MARCHF1: variants seen among roughly 807,000 people sequenced by gnomAD.
The protein encoded by MARCHF1 is E3 ubiquitin-protein ligase MARCHF1.
Under a neutral mutation model 54.2 loss-of-function variants are expected in MARCHF1, and 40 were observed. The observed-to-expected ratio is 0.74, with a 90% confidence interval of 0.57 to 0.96. The LOEUF (loss-of-function observed/expected upper bound fraction) is 0.96, where lower values mean the gene tolerates loss of function less well. MARCHF1 is among the 40% of genes least tolerant of loss of function. The pLI is 0.00. For missense variants in MARCHF1, 586 were observed against 656.5 expected (o/e 0.89, Z 1.17); for synonymous variants, 236 against 236.3 (o/e 1.00, Z 0.01).
chr4:164,157,122 A>G (rs1730098793), intron 1 of MARCHF1, among the ~76,000 whole-genome samples: 1 of 152,024 alleles, frequency 6.6e-6, no homozygotes, highest in Admixed American at 6.6e-5. Context: ...TTATTTCTCC[A>G]TAGATGGAAA....
chr4:163,781,280 G>A (rs1747459629), intron 4 of MARCHF1, among the ~76,000 whole-genome samples: 1 of 152,194 alleles, frequency 6.6e-6, no homozygotes, highest in Non-Finnish European at 1.5e-5. Context: ...GAACCTGGAA[G>A]GCGGAGGTTG....
At chr4:163,611,336 C>T (rs959113579) in intron 7 of MARCHF1, among the ~76,000 whole-genome samples, 1 of 152,016 alleles carries the variant, frequency 6.6e-6, no homozygotes, top group African/African-American at 2.4e-5. Flanking sequence ...CTCACTGCTG[C>T]CCTCAATGGA....
chr4:164,357,127 AAAAT>A (rs1730578865), intron 1 of MARCHF1, among the ~76,000 whole-genome samples: 1 of 151,952 alleles, frequency 6.6e-6, no homozygotes, highest in Non-Finnish European at 1.5e-5. Context: ...AAGAAAAAAA[AAAAT>A]AAATAAAAAT....
intron 4 of MARCHF1, among the ~76,000 whole-genome samples, chr4:163,826,731 TAA>T (rs1748858039): frequency 6.6e-6 from 1 of 151,996 alleles, no homozygotes; most frequent in East Asian, 1.9e-4. Flanking sequence ...TACAGAATAA[TAA>T]GAGAGGACTT....
chr4:163,761,020 A>G (rs943866852), intron 4 of MARCHF1, among the ~76,000 whole-genome samples: 12 of 152,198 alleles, frequency 7.9e-5, no homozygotes, highest in African/African-American at 2.9e-4. Context: ...TTCTGCAAAT[A>G]AGAATACACC....
intron 1 of MARCHF1, chr4:164,188,416 G>A: frequency 1.8e-6 from 1 of 556,510 alleles, no homozygotes; most frequent in Admixed American, 2.6e-5. Flanking sequence ...CGATGCTGCT[G>A]CTACTCGGTG....
rs558610773 is a variant in MARCHF1, at chr4:163,731,114, GA to G, written c.112-30252del. ...CTCTGATAAACATTAATTATTTTCA[GA>G]AAAAAAGAGTAAAGTAAAGCCCCCT... On this transcript the variant is annotated intron_variant, in intron 4 of 9. Coordinates refer to ENST00000514618, the MANE Select transcript of MARCHF1 (RefSeq NM_001394959.1). Among the ~76,000 whole-genome samples the G allele has an allele frequency of 3.7e-3, 570 of 152,036 alleles. 3 individuals carry two copies. Among genetic ancestry groups the G allele is most frequent in the African/African-American group, 0.013 (546 of 41,466 alleles).
intron 4 of MARCHF1, among the ~76,000 whole-genome samples, chr4:163,853,560 C>T (rs1272598082): frequency 6.6e-6 from 1 of 152,094 alleles, no homozygotes; most frequent in African/African-American, 2.4e-5. Context: ...GTGTAATTCA[C>T]AATTTGTTGT....
At chr4:163,859,518 C>T (rs960616260) in intron 3 of MARCHF1, among the ~76,000 whole-genome samples, 46 of 152,138 alleles carry the variant, frequency 3.0e-4, no homozygotes, top group Admixed American at 2.4e-3. Context: ...TGCCACCACA[C>T]CCGGGTAATT....
intron 4 of MARCHF1, among the ~76,000 whole-genome samples, chr4:163,822,224 C>T (rs889714553): frequency 8.6e-5 from 13 of 151,748 alleles, no homozygotes; most frequent in Admixed American, 4.0e-4. Context: ...ATTCACTCTG[C>T]ACATTGGATC....
intron 4 of MARCHF1, among the ~76,000 whole-genome samples, chr4:163,816,413 A>G (rs1346779459): frequency 1.3e-5 from 2 of 151,760 alleles, no homozygotes; most frequent in Non-Finnish European, 2.9e-5. Flanking sequence ...TTCAAGTTCA[A>G]CTAAAACTCT....
At chr4:164,344,804 C>T (rs1275697809) in intron 1 of MARCHF1, among the ~76,000 whole-genome samples, 3 of 152,134 alleles carry the variant, frequency 2.0e-5, no homozygotes, top group East Asian at 1.9e-4. Flanking sequence ...TAGCAAGCAA[C>T]GCCCCTGTCC....
At chr4:163,670,534 C>A (rs1278923255) in intron 5 of MARCHF1, among the ~76,000 whole-genome samples, 1 of 151,794 alleles carries the variant, frequency 6.6e-6, no homozygotes, top group East Asian at 1.9e-4. Context: ...ATTTCTTTCT[C>A]TTTTGTTTCT....
At chr4:164,208,459 C>A (rs1455892805) in intron 1 of MARCHF1, among the ~76,000 whole-genome samples, 1 of 152,134 alleles carries the variant, frequency 6.6e-6, no homozygotes, top group East Asian at 1.9e-4. Context: ...AGACAAACTG[C>A]AGAAATTTAA....
intron 3 of MARCHF1, among the ~76,000 whole-genome samples, chr4:163,865,492 A>G (rs1579351310): frequency 6.6e-6 from 1 of 151,766 alleles, no homozygotes; most frequent in East Asian, 1.9e-4. Context: ...TTGCATAAAC[A>G]TTTCTAAAAT....
At chr4:164,110,780 C>T (rs912209552) in intron 2 of MARCHF1, among the ~76,000 whole-genome samples, 1 of 150,764 alleles carries the variant, frequency 6.6e-6, no homozygotes, top group African/African-American at 2.4e-5. Context: ...CCTACTGTGT[C>T]TGTCATAGGA....
At chr4:163,557,146 C>G (rs1474580213) in intron 8 of MARCHF1, among the ~76,000 whole-genome samples, 1 of 152,066 alleles carries the variant, frequency 6.6e-6, no homozygotes, top group Non-Finnish European at 1.5e-5. Context: ...GGTTCAGGGA[C>G]TCGGTATGTT....
At chr4:164,188,157 T>G (rs887947644) in intron 1 of MARCHF1, among the ~76,000 whole-genome samples, 18 of 152,158 alleles carry the variant, frequency 1.2e-4, no homozygotes. Context: ...GTCCCAGAAA[T>G]TATTTCTCTC....
chr4:164,178,511 A>G (rs1262642026), intron 1 of MARCHF1, among the ~76,000 whole-genome samples: 4 of 152,158 alleles, frequency 2.6e-5, no homozygotes, highest in Non-Finnish European at 5.9e-5. Flanking sequence ...AGGTTTCCTT[A>G]CCTCCCTTAA....
Sources: gnomAD v4.1 joint callset for allele counts (sites outside exome capture counted in the v4.1 genomes callset) on GRCh38, gnomAD v4.1.1 for gene constraint, MANE v1.5 for transcripts, NCBI Gene and HGNC (gene_info 2026-07-23, HGNC 2026-07-21) for gene names.